Variants in ADAM7 observed in about 807,000 individuals in gnomAD.
The protein encoded by ADAM7 is ADAM metallopeptidase domain 7, also known as disintegrin and metalloproteinase domain-containing protein 7.
A neutral mutation model predicts 102.9 loss-of-function variants in ADAM7; 97 were observed. The ratio of observed to expected loss-of-function variants is 0.94; its 90% CI spans 0.80 to 1.12. The LOEUF (loss-of-function observed/expected upper bound fraction) is 1.12, where lower values mean the gene tolerates loss of function less well. Among genes scored for constraint, ADAM7 ranks in the 50% most tolerant of loss-of-function variants. The probability of loss-of-function intolerance (pLI) is 0.00; values close to 1 mark genes in which losing one functional copy is unlikely to be tolerated. For missense variants in ADAM7, 991 were observed against 908.7 expected (o/e 1.09, Z -1.16); for synonymous variants, 334 against 304.4 (o/e 1.10, Z -1.01).
At chr8:24,484,937 C>G (rs1820084562) in intron 9 of ADAM7, among the ~76,000 whole-genome samples, 1 of 151,524 alleles carries the variant, frequency 6.6e-6, no homozygotes, top group Admixed American at 6.6e-5. Flanking sequence ...TCCCAAGTAC[C>G]TGGGACTACA....
rs553257980 is a variant in ADAM7, at chr8:24,472,048, G to A, written c.633+3228G>A. On this transcript the variant is annotated intron_variant, in intron 7 of 21. Transcript: ENST00000175238. Reference sequence around the variant, plus strand: ...TAAAAAGTTATTTGAGATAAATTGGGGAATTAATCAGAAAAAGAGCACCAA... The same window carrying A: ...TAAAAAGTTATTTGAGATAAATTGGAGAATTAATCAGAAAAAGAGCACCAA... Among the ~76,000 whole-genome samples, 4 of 150,194 alleles carry A rather than the reference G, an allele frequency of 2.7e-5. No individual in the cohort carries two copies. In the East Asian group the frequency reaches 5.9e-4, roughly 22 times the overall value.
chr8:24,492,133 T>C (rs759254943), intron 14 of ADAM7, 35 bp downstream of exon 14: 23 of 1,580,496 alleles, frequency 1.5e-5, no homozygotes, highest in South Asian at 4.7e-5. Context: ...TTCACACAGA[T>C]GGTGGCCTCT....
chr8:24,446,248 A>G (rs1274174334), intron 2 of ADAM7, among the ~76,000 whole-genome samples: 2 of 152,346 alleles, frequency 1.3e-5, no homozygotes, highest in East Asian at 3.9e-4. Flanking sequence ...ATCAGAATCC[A>G]TATGAAAACT....
intron 3 of ADAM7, among the ~76,000 whole-genome samples, chr8:24,456,740 A>C (rs73223142): frequency 0.13 from 19,069 of 151,938 alleles, 1,556 homozygotes; most frequent in Non-Finnish European, 0.18. Flanking sequence ...AAAATTTAGC[A>C]TACTGATATT....
chr8:24,479,838 T>C (rs1819889434), intron 8 of ADAM7, among the ~76,000 whole-genome samples: 3 of 152,238 alleles, frequency 2.0e-5, no homozygotes, highest in Admixed American at 6.5e-5. Context: ...CTGTCTTTTC[T>C]TAGGGTTCAG....
intron 12 of ADAM7, among the ~76,000 whole-genome samples, chr8:24,489,934 G>A (rs1820282903): frequency 6.6e-6 from 1 of 152,170 alleles, no homozygotes; most frequent in African/African-American, 2.4e-5. Context: ...AACTGCCTCT[G>A]AAATTAATAA....
intron 2 of ADAM7, 55 bp downstream of exon 2, chr8:24,442,631 G>A (rs747446022): frequency 3.6e-6 from 5 of 1,384,228 alleles, no homozygotes; most frequent in Non-Finnish European, 4.1e-6. Flanking sequence ...CATGTAGACA[G>A]TTGTCTCTAG....
At position 24,493,157 on chromosome 8, in the gene ADAM7, A is replaced by G; in HGVS notation, c.1770A>G (p.Lys590=). 6.2e-7 allele frequency: 1 copy of G among 1,613,448 alleles called. No individual in the cohort carries two copies. The highest frequency in any genetic ancestry group is 8.5e-7 in the Non-Finnish European group (1 of 1,179,664). ...AGAAGAATGCTACTGTCAAATGCAA[A>G]ACTATTTTTTTATACCATGATTCTA... ...DPQKNATVKC[K]TIFLYHDSTD... Residue 590 remains lysine (K), a synonymous_variant, in exon 16 of 22, where the codon AAA becomes AAG. Coordinates refer to ENST00000175238, the MANE Select transcript of ADAM7 (RefSeq NM_003817.4).
At chr8:24,447,483 A>G (rs554263456) in intron 3 of ADAM7, among the ~76,000 whole-genome samples, 8 of 152,174 alleles carry the variant, frequency 5.3e-5, no homozygotes, top group African/African-American at 1.9e-4. Context: ...ATAACTCCCT[A>G]CTTTGAATAC....
rs757697883 is a variant in ADAM7 at position 24,491,981 on chromosome 8, G to C, written c.1435G>C (p.Ala479Pro). 4 of 1,613,932 alleles carry C rather than the reference G, an allele frequency of 2.5e-6. 1 individual carries two copies. In the South Asian group the frequency reaches 4.4e-5, roughly 18 times the overall value. The change falls in exon 14 of 22, where the codon GCC (alanine) becomes CCC (proline). Residue 479 changes from alanine (A) to proline (P), a missense_variant. Coordinates refer to ENST00000175238, the MANE Select transcript of ADAM7 (RefSeq NM_003817.4). ...FPEMCTGHSPACPKDQFRVNG... is the reference protein window; with the variant it reads ...FPEMCTGHSPPCPKDQFRVNG... ...TGAGATGTGCACTGGCCACTCGCCT[G>C]CCTGTCCTAAGGACCAGTTCAGGGT...
chr8:24,457,022 C>A (rs1384455657), intron 3 of ADAM7, among the ~76,000 whole-genome samples: 1 of 152,128 alleles, frequency 6.6e-6, no homozygotes, highest in Non-Finnish European at 1.5e-5. Flanking sequence ...TTATAGAAAT[C>A]TGACAGATTC....
At chr8:24,489,123 T>C (rs1214718811) in intron 11 of ADAM7, 36 bp from the exon 12 acceptor site, 25 of 1,566,948 alleles carry the variant, frequency 1.6e-5, no homozygotes, top group South Asian at 9.7e-5. Context: ...TGCATTGATA[T>C]GATTAATCTT....
chr8:24,445,306 A>G (rs1182197807), intron 2 of ADAM7, among the ~76,000 whole-genome samples: 1 of 152,184 alleles, frequency 6.6e-6, no homozygotes, highest in East Asian at 1.9e-4. Flanking sequence ...TCTTTATGAT[A>G]AAGCTGTAAT....
chr8:24,497,926 G>A (rs956184454), intron 16 of ADAM7, among the ~76,000 whole-genome samples: 10 of 152,166 alleles, frequency 6.6e-5, no homozygotes, highest in Admixed American at 5.9e-4. Context: ...GAACATAATT[G>A]TTGGGACCCT....
chr8:24,448,661 TTA>T lies in ADAM7; in HGVS notation c.233+1401_233+1402del, dbSNP rs1818657434. Among the ~76,000 whole-genome samples the T allele has an allele frequency of 2.4e-4, 7 of 29,400 alleles. No individual in the cohort carries two copies. In the South Asian group the frequency reaches 6.7e-3, roughly 28 times the overall value. 19.3% of individuals were successfully genotyped at this position (29,400 alleles called of 152,430 possible). ...CTCTAAGTTTCATTCAGCTTGTTTA[TTA>T]TTATTATTATTATTATTATTATACT... On this transcript the variant is annotated intron_variant, in intron 3 of 21. Coordinates refer to ENST00000175238, the MANE Select transcript of ADAM7 (RefSeq NM_003817.4).
At chr8:24,507,581 T>C in intron 21 of ADAM7, 46 bp downstream of exon 21, 2 of 1,485,504 alleles carry the variant, frequency 1.3e-6, no homozygotes, top group South Asian at 1.1e-5. Context: ...ATTTTTCAAA[T>C]GCTGGCATAG....
At chr8:24,489,438 A>G (rs533414477) in intron 12 of ADAM7, 105 bp downstream of exon 12, 1 of 1,137,884 alleles carries the variant, frequency 8.8e-7, no homozygotes, top group East Asian at 2.8e-5. Context: ...TCCTTGTAAA[A>G]CTTTTAAAAA....
At chr8:24,493,284 C>T in intron 16 of ADAM7, 55 bp downstream of exon 16, 22 of 1,456,488 alleles carry the variant, frequency 1.5e-5, no homozygotes, top group Non-Finnish European at 2.0e-5. Flanking sequence ...CCTTTAAAAA[C>T]ATTACTGGAT....
At chr8:24,462,363 A>G (rs1336935960) in intron 3 of ADAM7, among the ~76,000 whole-genome samples, 1 of 152,106 alleles carries the variant, frequency 6.6e-6, no homozygotes, top group Admixed American at 6.6e-5. Context: ...TACTGTGATT[A>G]CTCCAAACTC....
Sources: allele counts gnomAD v4.1 joint callset (sites outside exome capture counted in the v4.1 genomes callset), GRCh38; gene constraint gnomAD v4.1.1; transcripts MANE v1.5; gene names NCBI Gene and HGNC (gene_info 2026-07-23, HGNC 2026-07-21).